The following GRHL2 variants were observed in gnomAD, a reference collection of about 807,000 sequenced individuals.
GRHL2 encodes grainyhead-like protein 2 homolog.
GRHL2 carries 21 observed loss-of-function variants against 83.8 expected under a neutral mutation model. The ratio of observed to expected loss-of-function variants is 0.25; its 90% CI spans 0.18 to 0.36. The LOEUF is 0.36. GRHL2 is among the 10% of genes least tolerant of loss of function. The pLI is 1.00. For synonymous variants in GRHL2, 280 were observed against 278.9 expected (o/e 1.00, Z -0.04); for missense variants, 623 against 781.8 (o/e 0.80, Z 2.42).
At chr8:101,573,095 G>A (rs1406073034) in intron 5 of GRHL2, among the ~76,000 whole-genome samples, 7 of 152,148 alleles carry the variant, frequency 4.6e-5, no homozygotes, top group Admixed American at 1.3e-4. Flanking sequence ...GAGTTCTTCC[G>A]CAGGCTTGAA....
intron 5 of GRHL2, among the ~76,000 whole-genome samples, chr8:101,573,241 A>C (rs1181278634): frequency 2.9e-5 from 3 of 104,476 alleles, no homozygotes; most frequent in African/African-American, 8.4e-5. Flanking sequence ...TTGGTTAGAC[A>C]AAAAAAAAAA....
At chr8:101,605,358 C>A (rs1812612533) in intron 8 of GRHL2, among the ~76,000 whole-genome samples, 1 of 152,150 alleles carries the variant, frequency 6.6e-6, no homozygotes, top group African/African-American at 2.4e-5. Context: ...AACCCAGGGC[C>A]CTATGAGTCC....
rs1285229771 is a variant in GRHL2 at position 101,559,351 on chromosome 8, T to TGCAAAAAAAAAAAAA, written c.678+539_678+540insGCAAAAAAAAAAAAA. ...GGTGAACTCCTGTCTCTACTAAAAA[T>TGCAAAAAAAAAAAAA]ACAAAAAAAAAAAAAAAAAAAAAAA... On this transcript the variant is annotated intron_variant, in intron 4 of 15. Transcript: ENST00000646743. Among the ~76,000 whole-genome samples, 18 of 19,228 alleles carry TGCAAAAAAAAAAAAA rather than the reference T, an allele frequency of 9.4e-4. 1 individual carries two copies. The highest frequency in any genetic ancestry group is 4.8e-3 in the East Asian group (3 of 620). The allele number at this position is 19,228 out of a possible 152,430, so 12.6% of individuals were successfully genotyped here.
At chr8:101,639,485 G>A (rs1813354901) in intron 12 of GRHL2, among the ~76,000 whole-genome samples, 1 of 152,224 alleles carries the variant, frequency 6.6e-6, no homozygotes, top group African/African-American at 2.4e-5. Flanking sequence ...TAGGAGACTT[G>A]TTCAAAGACA....
chr8:101,501,668 A>C (rs1810232333), intron 1 of GRHL2, among the ~76,000 whole-genome samples: 1 of 152,132 alleles, frequency 6.6e-6, no homozygotes, highest in Non-Finnish European at 1.5e-5. Context: ...TTTGGTTTTA[A>C]TTTGCAATCT....
At chr8:101,513,496 T>G in intron 1 of GRHL2, among the ~76,000 whole-genome samples, 1 of 92,742 alleles carries the variant, frequency 1.1e-5, no homozygotes, top group Non-Finnish European at 2.3e-5. Context: ...AGGCTATCGT[T>G]GTGCTTTTTT....
At chr8:101,592,129 G>A (rs1173494980) in intron 7 of GRHL2, among the ~76,000 whole-genome samples, 1 of 85,542 alleles carries the variant, frequency 1.2e-5, no homozygotes, top group Non-Finnish European at 2.0e-5. Context: ...TTTTGAGACA[G>A]AGTCTTGCTC....
chr8:101,638,766 G>A (rs756726249), intron 12 of GRHL2, among the ~76,000 whole-genome samples: 4 of 152,092 alleles, frequency 2.6e-5, no homozygotes, highest in Non-Finnish European at 4.4e-5. Flanking sequence ...CATTCCCAGC[G>A]GTTAGAATGA....
chr8:101,627,761 T>C (rs13273977), intron 9 of GRHL2, among the ~76,000 whole-genome samples: 15,123 of 152,118 alleles, frequency 0.099, 1,533 homozygotes, highest in African/African-American at 0.26. Flanking sequence ...GCTACTCCAG[T>C]GAACACACAA....
intron 4 of GRHL2, among the ~76,000 whole-genome samples, chr8:101,568,950 C>A (rs1391267420): frequency 6.6e-6 from 1 of 152,018 alleles, no homozygotes; most frequent in Non-Finnish European, 1.5e-5. Context: ...TGCTGAGTTC[C>A]AGAGATGATG....
chr8:101,574,192 A>T (rs1390549330), intron 6 of GRHL2, among the ~76,000 whole-genome samples: 3 of 152,190 alleles, frequency 2.0e-5, no homozygotes, highest in Non-Finnish European at 4.4e-5. Flanking sequence ...GCTTTGTTCT[A>T]TTCTGTAAAG....
intron 13 of GRHL2, 40 bp downstream of exon 13, chr8:101,644,265 C>T (rs780630763): frequency 1.7e-5 from 26 of 1,499,478 alleles, no homozygotes; most frequent in Admixed American, 8.8e-5. Flanking sequence ...AGAAGGGATG[C>T]GGGGTGTCTC....
intron 2 of GRHL2, among the ~76,000 whole-genome samples, chr8:101,548,131 G>GTCCATCTA (rs926036320): frequency 3.9e-5 from 6 of 152,134 alleles, no homozygotes; most frequent in Admixed American, 2.0e-4. Flanking sequence ...TGATTTGTTT[G>GTCCATCTA]TCCATCTATC....
At chr8:101,516,174 G>A (rs991905052) in intron 1 of GRHL2, among the ~76,000 whole-genome samples, 19 of 152,160 alleles carry the variant, frequency 1.2e-4, no homozygotes, top group African/African-American at 4.6e-4. Context: ...CCAGAAACCT[G>A]GTGGTTTAGT....
chr8:101,642,037 G>A (rs1210186367), intron 12 of GRHL2, among the ~76,000 whole-genome samples: 4 of 152,174 alleles, frequency 2.6e-5, no homozygotes, highest in Non-Finnish European at 5.9e-5. Flanking sequence ...ATTGTGGTTG[G>A]TTGAAGCTAT....
chr8:101,621,700 A>T (rs1047384548), intron 9 of GRHL2, among the ~76,000 whole-genome samples: 1 of 152,140 alleles, frequency 6.6e-6, no homozygotes, highest in Non-Finnish European at 1.5e-5. Flanking sequence ...GTTCGAGACC[A>T]GCTTAGGCAA....
At chr8:101,652,063 G>T (rs7003051) in intron 14 of GRHL2, among the ~76,000 whole-genome samples, 59,942 of 151,728 alleles carry the variant, frequency 0.4, 14,314 homozygotes, top group African/African-American at 0.67. Flanking sequence ...CGGTAGAATT[G>T]TCAAGAACAG....
downstream of GRHL2, among the ~76,000 whole-genome samples, chr8:101,673,606 C>A (rs1814244194): frequency 6.6e-6 from 1 of 150,610 alleles, no homozygotes; most frequent in African/African-American, 2.4e-5. Context: ...CTTCGACTCC[C>A]ACACAACTTT....
intron 9 of GRHL2, among the ~76,000 whole-genome samples, chr8:101,629,302 G>A (rs1018445532): frequency 1.2e-4 from 17 of 138,244 alleles, no homozygotes; most frequent in Non-Finnish European, 2.5e-4. Flanking sequence ...GCCTCAGTGT[G>A]TATTTTTTTT....
Sources: allele counts gnomAD v4.1 joint callset (sites outside exome capture counted in the v4.1 genomes callset), GRCh38; gene constraint gnomAD v4.1.1; transcripts MANE v1.5; gene names NCBI Gene and HGNC (gene_info 2026-07-23, HGNC 2026-07-21).